SAP130: variants seen among roughly 807,000 people sequenced by gnomAD.
The protein encoded by SAP130 is histone deacetylase complex subunit SAP130.
In SAP130, 16 loss-of-function variants were observed where a neutral mutation model predicts 103.2. The ratio of observed to expected loss-of-function variants is 0.16; its 90% CI spans 0.10 to 0.24. The LOEUF (loss-of-function observed/expected upper bound fraction) is 0.24, where lower values mean the gene tolerates loss of function less well. Ranked by LOEUF, SAP130 falls within the 10% of genes least tolerant of loss-of-function variation. The probability of loss-of-function intolerance (pLI) is 1.00; values close to 1 mark genes in which losing one functional copy is unlikely to be tolerated. For synonymous variants in SAP130, 477 were observed against 497.0 expected (o/e 0.96, Z 0.53); for missense variants, 990 against 1,359.7 (o/e 0.73, Z 4.28).
At chr2:127,958,758 T>C (rs1446266556) in intron 15 of SAP130, among the ~76,000 whole-genome samples, 1 of 151,336 alleles carries the variant, frequency 6.6e-6, no homozygotes, top group African/African-American at 2.4e-5. Context: ...AACTCCCAGA[T>C]TCAGGTGATC....
chr2:127,985,093 A>G (rs1440288945), intron 14 of SAP130, among the ~76,000 whole-genome samples: 1 of 152,178 alleles, frequency 6.6e-6, no homozygotes, highest in African/African-American at 2.4e-5. Flanking sequence ...TCTGCTTCCC[A>G]GCTTCAGTTG....
chr2:128,027,031 G>T (rs1685551902), intron 1 of SAP130: 2 of 1,338,052 alleles, frequency 1.5e-6, no homozygotes, highest in South Asian at 2.0e-5. Context: ...CGTCTCCGGG[G>T]TGGGGGTGCG....
At chr2:127,987,146 A>G (rs759303496) in intron 13 of SAP130, among the ~76,000 whole-genome samples, 184 bp from the exon 14 acceptor site, 5 of 152,240 alleles carry the variant, frequency 3.3e-5, no homozygotes, top group Non-Finnish European at 5.9e-5. Flanking sequence ...AAATGGGAGC[A>G]GTTACTAAGT....
At chr2:128,010,485 A>G in intron 6 of SAP130, 92 bp from the exon 7 acceptor site, 2 of 1,219,810 alleles carry the variant, frequency 1.6e-6, no homozygotes, top group Admixed American at 2.5e-5. Context: ...GAGCCTACAG[A>G]TAAGCATGTT....
intron 13 of SAP130, among the ~76,000 whole-genome samples, chr2:127,988,656 C>G (rs1157767493): frequency 6.6e-6 from 1 of 151,840 alleles, no homozygotes. Flanking sequence ...TTGAGACCAG[C>G]CTGGGCAACA....
At chr2:128,013,250 C>T (rs1392405826) in intron 5 of SAP130, 96 bp from the exon 6 acceptor site, 10 of 1,194,764 alleles carry the variant, frequency 8.4e-6, no homozygotes, top group African/African-American at 6.2e-5. Flanking sequence ...ATGTCAATAT[C>T]GAGCTGAAGT....
chr2:128,010,506 T>A, intron 6 of SAP130, 113 bp from the exon 7 acceptor site: 2 of 1,034,536 alleles, frequency 1.9e-6, no homozygotes, highest in Non-Finnish European at 2.8e-6. Context: ...TCTGCCCAAG[T>A]AAAAATAAAT....
chr2:127,977,952 A>C (rs534896767), intron 15 of SAP130, 33 bp downstream of exon 15: 1 of 1,454,674 alleles, frequency 6.9e-7, no homozygotes, highest in East Asian at 2.5e-5. Context: ...GTGTGGGTAA[A>C]AGCAAGAGTG....
At chr2:128,007,172 T>C (rs771359490) in intron 7 of SAP130, among the ~76,000 whole-genome samples, 1 of 152,228 alleles carries the variant, frequency 6.6e-6, no homozygotes, top group Non-Finnish European at 1.5e-5. Context: ...GCCACATCTA[T>C]GGATTCAACC....
chr2:128,004,853 G>A lies in SAP130; in HGVS notation c.870-4399C>T, dbSNP rs188738750. Among the ~76,000 whole-genome samples the A allele has an allele frequency of 9.2e-5, 14 of 152,216 alleles. No individual in the cohort carries two copies. In the East Asian group the frequency reaches 2.7e-3, roughly 29 times the overall value. On this transcript the variant is annotated intron_variant, in intron 7 of 20. Transcript: ENST00000643581. ...TCAAACACAGGACACTGAGTCATTT[G>A]GAAAATTTATCCAAACCCAGTATAT...
At chr2:127,951,075 T>G (rs1186673121) in intron 16 of SAP130, among the ~76,000 whole-genome samples, 1 of 152,224 alleles carries the variant, frequency 6.6e-6, no homozygotes, top group Non-Finnish European at 1.5e-5. Flanking sequence ...TAAGTAGGCA[T>G]TATTATTATC....
chr2:127,988,710 C>T (rs374886107), intron 13 of SAP130, among the ~76,000 whole-genome samples: 1 of 152,078 alleles, frequency 6.6e-6, no homozygotes, highest in East Asian at 1.9e-4. Flanking sequence ...ATTAGCCAGG[C>T]ATGGTAGCTT....
rs368609819 is a variant in SAP130 at position 128,016,541 on chromosome 2, G to C, written c.355C>G (p.Pro119Ala). 9 of 1,609,994 alleles carry C rather than the reference G, an allele frequency of 5.6e-6. No individual in the cohort carries two copies. Among genetic ancestry groups the C allele is most frequent in the African/African-American group, 1.3e-5 (1 of 74,694 alleles). Residue 119 changes from proline (P) to alanine (A), a missense_variant, in exon 4 of 21, where the codon CCG becomes GCG. By Grantham distance (27) the Pro-to-Ala change is conservative. This residue lies in a region of SAP130 where 167 missense variants were observed against 187.4 expected (regional missense o/e 0.89). Transcript: ENST00000643581. ...GGACGGCTAGGCATGGTGGGCTTCG[G>C]GGGCGGCTGCAAACAGAAAACCACA... ...SFSEGLMKPPPKPTMPSRPIA... is the reference protein window; with the variant it reads ...SFSEGLMKPPAKPTMPSRPIA...
intron 19 of SAP130, among the ~76,000 whole-genome samples, chr2:127,944,348 T>C (rs943663183): frequency 1.3e-5 from 2 of 152,018 alleles, no homozygotes; most frequent in Non-Finnish European, 2.9e-5. Context: ...TTATGTTCTA[T>C]TAAAAAAAAA....
intron 16 of SAP130, among the ~76,000 whole-genome samples, chr2:127,951,094 C>A (rs1485373563): frequency 6.6e-6 from 1 of 152,134 alleles, no homozygotes; most frequent in African/African-American, 2.4e-5. Flanking sequence ...TCCTCCAATT[C>A]ACAGATGAGA....
In SAP130 at chr2:127,989,857, T is replaced by C. The variant is rs1487498254; in HGVS notation, c.1487A>G (p.Gln496Arg). Reference sequence around the variant, plus strand: ...AGCTGTGATGGCAGAGTTTGGAGCCTGAGCTGAAACTAAAAATGATGCGAA... The same window carrying C: ...AGCTGTGATGGCAGAGTTTGGAGCCCGAGCTGAAACTAAAAATGATGCGAA... The part of the protein sequence containing the change: ...STIRQYPVSA[Q>R]APNSAITAQT... Residue 496 changes from glutamine to arginine, a missense_variant, in exon 13 of 21, where the codon CAG becomes CGG. By Grantham distance (43) the Gln-to-Arg change is conservative. Transcript: ENST00000643581. The surrounding 1 kb of genome is among the most constrained non-coding windows in gnomAD (Gnocchi z 4.6). The C allele has an allele frequency of 6.2e-7, 1 of 1,612,344 alleles. No individual in the cohort carries two copies. Among genetic ancestry groups the C allele is most frequent in the Non-Finnish European group, 8.5e-7 (1 of 1,178,530 alleles).
intron 16 of SAP130, among the ~76,000 whole-genome samples, chr2:127,954,481 G>C (rs1186237413): frequency 2.6e-5 from 4 of 151,762 alleles, no homozygotes; most frequent in Non-Finnish European, 5.9e-5. Flanking sequence ...CAAGTGACTT[G>C]ACTTTCTCAA....
intron 15 of SAP130, among the ~76,000 whole-genome samples, chr2:127,974,941 A>T (rs1454097907): frequency 1.3e-5 from 2 of 152,342 alleles, no homozygotes; most frequent in South Asian, 2.1e-4. Flanking sequence ...AATAGGTTGT[A>T]CCACATAGTC....
intron 15 of SAP130, among the ~76,000 whole-genome samples, chr2:127,970,957 CT>C (rs879518027): frequency 1.5e-3 from 211 of 144,484 alleles, no homozygotes; most frequent in South Asian, 2.2e-3. Flanking sequence ...ATCTTTCTCT[CT>C]TTTTTTTTTT....
Sources: gnomAD v4.1 joint callset for allele counts (sites outside exome capture counted in the v4.1 genomes callset) on GRCh38, gnomAD v4.1.1 for gene constraint, gnomAD v4.1.1 regional missense constraint, Gnocchi (gnomAD v3.1) non-coding constraint, MANE v1.5 for transcripts, NCBI Gene and HGNC (gene_info 2026-07-23, HGNC 2026-07-21) for gene names.